Variants in CIT observed in about 807,000 individuals in gnomAD.
CIT encodes the protein citron rho-interacting serine/threonine kinase, also known as citron Rho-interacting kinase.
In CIT, 79 loss-of-function variants were observed where a neutral mutation model predicts 272.7. The observed-to-expected ratio is 0.29, with a 90% CI of 0.24 to 0.35. The LOEUF is 0.35. Ranked by LOEUF, CIT falls within the 10% of genes least tolerant of loss-of-function variation. The probability of loss-of-function intolerance (pLI) is 1.00; values close to 1 mark genes in which losing one functional copy is unlikely to be tolerated. For missense variants in CIT, 1,909 were observed against 2,618.3 expected (o/e 0.73, Z 5.91); for synonymous variants, 948 against 995.6 (o/e 0.95, Z 0.90).
chr12:119,874,659 A>G (rs1450396757), intron 2 of CIT, among the ~76,000 whole-genome samples: 1 of 152,188 alleles, frequency 6.6e-6, no homozygotes, highest in Non-Finnish European at 1.5e-5. Flanking sequence ...GGTATTCATC[A>G]AAACTTTTTT....
intron 24 of CIT, among the ~76,000 whole-genome samples, chr12:119,739,836 G>T (rs1020567561): frequency 6.6e-6 from 1 of 152,114 alleles, no homozygotes; most frequent in African/African-American, 2.4e-5. Context: ...ATGTGGATAC[G>T]TGGTATACTG....
chr12:119,797,961 G>T (rs1447637776), intron 10 of CIT, among the ~76,000 whole-genome samples: 3 of 152,212 alleles, frequency 2.0e-5, no homozygotes. Flanking sequence ...TAAGCAACTT[G>T]TGTATGATCA....
intron 9 of CIT, among the ~76,000 whole-genome samples, chr12:119,809,471 C>T (rs559593431): frequency 2.6e-5 from 4 of 152,270 alleles, no homozygotes; most frequent in East Asian, 3.9e-4. Context: ...TTTTCATCCA[C>T]GGTTCCTGGC....
At chr12:119,706,993 A>G (rs757955351) in intron 40 of CIT, among the ~76,000 whole-genome samples, 1 of 152,222 alleles carries the variant, frequency 6.6e-6, no homozygotes, top group Non-Finnish European at 1.5e-5. Context: ...AAGGTATTTT[A>G]TGTGCCACTT....
intron 3 of CIT, 70 bp from the exon 4 acceptor site, chr12:119,857,768 A>G: frequency 1.4e-6 from 2 of 1,398,132 alleles, no homozygotes; most frequent in East Asian, 2.3e-5. Context: ...ATGAAAGAAA[A>G]AAAAAAAAGA....
intron 10 of CIT, among the ~76,000 whole-genome samples, chr12:119,790,881 TC>T (rs1965249769): frequency 6.6e-6 from 1 of 152,186 alleles, no homozygotes; most frequent in African/African-American, 2.4e-5. Context: ...ACAATTCCTG[TC>T]CTCAAGGAAG....
chr12:119,836,206 G>C (rs956599629), intron 5 of CIT, among the ~76,000 whole-genome samples: 1 of 140,492 alleles, frequency 7.1e-6, no homozygotes, highest in African/African-American at 2.6e-5. Context: ...AGAATCACTT[G>C]AACCCGGGAG....
At chr12:119,814,052 A>G (rs1276963526) in intron 9 of CIT, among the ~76,000 whole-genome samples, 1 of 151,834 alleles carries the variant, frequency 6.6e-6, no homozygotes, top group Non-Finnish European at 1.5e-5. Flanking sequence ...TTTACTTTCA[A>G]CCCTAACTTT....
At chr12:119,788,945 C>T (rs1157759106) in intron 10 of CIT, among the ~76,000 whole-genome samples, 1 of 152,086 alleles carries the variant, frequency 6.6e-6, no homozygotes, top group Non-Finnish European at 1.5e-5. Flanking sequence ...AGTAAGAATG[C>T]TATGACTAAG....
At chr12:119,872,237 C>G (rs1950701644) in intron 2 of CIT, among the ~76,000 whole-genome samples, 1 of 151,516 alleles carries the variant, frequency 6.6e-6, no homozygotes, top group Admixed American at 6.6e-5. Context: ...TTTTATATAT[C>G]CTTACTTGGC....
intron 23 of CIT, among the ~76,000 whole-genome samples, chr12:119,747,623 G>A (rs1289400200): frequency 6.6e-6 from 1 of 151,876 alleles, no homozygotes; most frequent in Non-Finnish European, 1.5e-5. Context: ...GGGAGGCTGA[G>A]GCAGGAGAAT....
At chr12:119,731,304 G>A (rs552327147) in intron 26 of CIT, among the ~76,000 whole-genome samples, 273 of 151,486 alleles carry the variant, frequency 1.8e-3, no homozygotes, top group Non-Finnish European at 2.6e-3. Flanking sequence ...GTGAAACCCC[G>A]TCTCTACAAA....
chr12:119,822,808 A>G lies in CIT; in HGVS notation c.1111+12T>C. The stretch of plus-strand genomic sequence containing the variant: ...CCCAACATCCCAAATTAAGGAAAAC[A>G]GCCCTACTTACAGTTACGAATGTTG... On this transcript the variant is annotated intron_variant, in intron 9 of 47. Transcript: ENST00000392521. 6.2e-7 allele frequency: 1 copy of G among 1,613,682 alleles called. No homozygotes were observed. The highest frequency in any genetic ancestry group is 8.5e-7 in the Non-Finnish European group (1 of 1,179,868).
At chr12:119,698,698 G>T (rs1956374242) in intron 44 of CIT, among the ~76,000 whole-genome samples, 1 of 152,104 alleles carries the variant, frequency 6.6e-6, no homozygotes. Context: ...AAGGTACACT[G>T]CTCAGTGCAA....
At chr12:119,862,339 GCA>G (rs536128670) in intron 3 of CIT, among the ~76,000 whole-genome samples, 6 of 151,754 alleles carry the variant, frequency 4.0e-5, no homozygotes, top group African/African-American at 4.8e-5. Context: ...TATTTTTAAG[GCA>G]CACACACACA....
intron 10 of CIT, among the ~76,000 whole-genome samples, chr12:119,797,598 G>A (rs781691973): frequency 4.6e-5 from 7 of 152,334 alleles, no homozygotes; most frequent in Non-Finnish European, 5.9e-5. Flanking sequence ...GCATGTCTTC[G>A]TGTAGCAGAG....
chr12:119,752,453 A>G (rs1177422923), intron 22 of CIT, among the ~76,000 whole-genome samples: 3 of 152,208 alleles, frequency 2.0e-5, no homozygotes, highest in Non-Finnish European at 4.4e-5. Context: ...AAGAACAGGT[A>G]AGGGCTATAT....
chr12:119,787,966 CATT>C (rs1430841539), intron 10 of CIT, among the ~76,000 whole-genome samples: 2 of 152,118 alleles, frequency 1.3e-5, no homozygotes, highest in African/African-American at 4.8e-5. Context: ...TTACTACTGT[CATT>C]GTTGTGTTTT....
At chr12:119,775,624 A>G (rs1963676885) in intron 16 of CIT, among the ~76,000 whole-genome samples, 162 bp downstream of exon 16, 1 of 152,382 alleles carries the variant, frequency 6.6e-6, no homozygotes, top group East Asian at 1.9e-4. Context: ...AACTATATTC[A>G]GAACTCTGAT....
Sources: allele counts gnomAD v4.1 joint callset (sites outside exome capture counted in the v4.1 genomes callset), GRCh38; gene constraint gnomAD v4.1.1; transcripts MANE v1.5; gene names NCBI Gene and HGNC (gene_info 2026-07-23, HGNC 2026-07-21).